NQO2: variants seen among roughly 807,000 people sequenced by gnomAD.
NQO2 encodes N-ribosyldihydronicotinamide:quinone dehydrogenase 2.
In NQO2, 18 loss-of-function variants were observed where a neutral mutation model predicts 22.0. The observed-to-expected ratio is 0.82, with a 90% CI of 0.56 to 1.21. NQO2 has a LOEUF of 1.21. Among genes scored for constraint, NQO2 ranks in the 50% most tolerant of loss-of-function variants. NQO2 has a pLI of 0.00. For missense variants in NQO2, 267 were observed against 286.9 expected, an observed-to-expected ratio of 0.93 and a Z score of 0.50; for synonymous variants, 106 against 110.8, an observed-to-expected ratio of 0.96 and a Z score of 0.28.
chr6:3,005,595 G>A (rs1213221179), intron 1 of NQO2: 19 of 968,310 alleles, frequency 2.0e-5, no homozygotes, highest in Non-Finnish European at 2.3e-5. Flanking sequence ...TGTTTGCTTT[G>A]TTGTTGTTAA....
intron 3 of NQO2, among the ~76,000 whole-genome samples, chr6:3,010,414 C>T (rs538872961): frequency 2.6e-4 from 39 of 151,688 alleles, no homozygotes; most frequent in Non-Finnish European, 2.9e-4. Context: ...TCCAAGCAGA[C>T]GGTAAGAGAT....
Position 3,019,710 on chromosome 6 carries a change from C to A in NQO2, c.*55C>A. ...GCACACTAGGAGGCCCAGGCGCAGGCAAAGAGAAGATGGTGCTGTCATGAA... is the reference window on the plus strand; with the variant it reads ...GCACACTAGGAGGCCCAGGCGCAGGAAAAGAGAAGATGGTGCTGTCATGAA... On this transcript the variant is annotated 3_prime_UTR_variant, in exon 7 of 7. Transcript: ENST00000380455. The A allele has an allele frequency of 7.0e-7, 1 of 1,424,964 alleles. No individual in the cohort carries two copies. The highest frequency in any genetic ancestry group is 9.4e-7 in the Non-Finnish European group (1 of 1,058,854). The allele number at this position is 1,424,964 out of a possible 1,614,324, so 88.3% of individuals were successfully genotyped here. A position where few individuals can be genotyped will look rare whatever the true frequency, so the allele number is the denominator to read the frequency against.
At chr6:3,009,762 GAGA>G in intron 2 of NQO2, 1 of 202,784 alleles carries the variant, frequency 4.9e-6, no homozygotes, top group Admixed American at 6.5e-5. Flanking sequence ...AGCTAGTCAG[GAGA>G]CTGAGGCATG....
chr6:3,007,089 A>G (rs1452968479), intron 2 of NQO2, among the ~76,000 whole-genome samples: 1 of 152,184 alleles, frequency 6.6e-6, no homozygotes, highest in African/African-American at 2.4e-5. Context: ...TACTCTATAC[A>G]TTATGGTGTA....
At chr6:3,009,960 G>A (rs55968115) in intron 2 of NQO2, 65 bp from the exon 3 acceptor site, 2 of 1,531,386 alleles carry the variant, frequency 1.3e-6, no homozygotes, top group East Asian at 2.3e-5. Flanking sequence ...TTTCATCTTA[G>A]TCTTCATTGA....
At chr6:3,000,607 T>C (rs972514876) in intron 1 of NQO2, among the ~76,000 whole-genome samples, 8 of 151,856 alleles carry the variant, frequency 5.3e-5, no homozygotes, top group African/African-American at 1.5e-4. Context: ...AGTGGCACGA[T>C]TTCGGCTCAC....
At chr6:3,005,705 G>T (rs989563055) in intron 1 of NQO2, 32 of 985,362 alleles carry the variant, frequency 3.2e-5, no homozygotes, top group Non-Finnish European at 3.9e-5. Context: ...TGGCCAGGAG[G>T]GGGTGAGGCC....
intron 4 of NQO2, chr6:3,015,300 A>T: frequency 6.9e-7 from 1 of 1,458,546 alleles, no homozygotes; most frequent in Non-Finnish European, 9.1e-7. Flanking sequence ...GGCTGTCATC[A>T]CTGGGGGATG....
chr6:3,007,255 AC>A (rs1235577561), intron 2 of NQO2, among the ~76,000 whole-genome samples: 1 of 152,136 alleles, frequency 6.6e-6, no homozygotes, highest in African/African-American at 2.4e-5. Context: ...GCTGTGACAA[AC>A]CAAAATGTCT....
intron 1 of NQO2, among the ~76,000 whole-genome samples, chr6:3,004,846 A>C (rs1756886011): frequency 6.6e-6 from 1 of 152,098 alleles, no homozygotes; most frequent in African/African-American, 2.4e-5. Context: ...CATAAAATTG[A>C]CCATTTTAAC....
At chr6:3,015,772 A>G in intron 5 of NQO2, 129 bp downstream of exon 5, 1 of 843,648 alleles carries the variant, frequency 1.2e-6, no homozygotes, top group Non-Finnish European at 1.8e-6. Context: ...CCCACTATGT[A>G]CAAAGCACCA....
intron 5 of NQO2, chr6:3,016,672 T>C (rs1757337878): frequency 6.0e-6 from 5 of 839,626 alleles, no homozygotes; most frequent in Non-Finnish European, 7.2e-6. Context: ...TTAGAGCTTC[T>C]GTGTCTGCTT....
At chr6:3,015,124 G>T (rs979810235) in intron 4 of NQO2, 2 of 1,296,426 alleles carry the variant, frequency 1.5e-6, no homozygotes, top group East Asian at 5.4e-5. Flanking sequence ...GCTCAGCACC[G>T]AACTCAGTCT....
chr6:3,014,062 C>T (rs1241758725), intron 4 of NQO2, among the ~76,000 whole-genome samples: 4 of 152,288 alleles, frequency 2.6e-5, no homozygotes, highest in Middle Eastern at 3.4e-3. Flanking sequence ...GGCAGGAGAA[C>T]GAGAGCACTG....
intron 2 of NQO2, among the ~76,000 whole-genome samples, chr6:3,007,462 T>C (rs1756991020): frequency 6.6e-6 from 1 of 152,250 alleles, no homozygotes; most frequent in Non-Finnish European, 1.5e-5. Context: ...TGTAGCCAGC[T>C]CAATGCCCTG....
At chr6:3,002,737 A>G (rs1474289624) in intron 1 of NQO2, among the ~76,000 whole-genome samples, 1 of 146,836 alleles carries the variant, frequency 6.8e-6, no homozygotes, top group African/African-American at 2.5e-5. Context: ...TGCATCTACC[A>G]CCATCCACTC....
intron 3 of NQO2, among the ~76,000 whole-genome samples, chr6:3,010,953 A>G (rs540350182): frequency 0.029 from 598 of 20,574 alleles, 8 homozygotes; most frequent in African/African-American, 0.086. Context: ...TTAGTAGAGG[A>G]AAAAAAAAAA....
In NQO2 at chr6:3,004,390, C is replaced by T. The variant is rs181806507; in HGVS notation, c.-85-2078C>T. On this transcript the variant is annotated intron_variant, in intron 1 of 6. Coordinates refer to ENST00000380455, the MANE Select transcript of NQO2 (RefSeq NM_000904.6). ...GGGTGTTTGGAGTGATCAGAGCTGT[C>T]TGCCCTCTTGGGGAGTGACAGTGCC... 7.1e-5 allele frequency: 70 copies of T among 983,654 alleles called. No homozygotes were observed. In the African/African-American group the frequency reaches 9.7e-4, roughly 14 times the overall value. 60.9% of individuals were successfully genotyped at this position (983,654 alleles called of 1,614,324 possible).
rs1030367071 is a variant in NQO2 at position 3,017,126 on chromosome 6, G to A, written c.519+141G>A. On this transcript the variant is annotated intron_variant, in intron 6 of 6. Transcript: ENST00000380455. ...GGGTGAGATGAGATGGGATGGAAGC[G>A]TGATGCCCCACACCATTTTGACTCC... The A allele has an allele frequency of 8.9e-5, 86 of 962,284 alleles. No homozygotes were observed. In the African/African-American group the frequency reaches 1.3e-3, roughly 14 times the overall value. The allele number at this position is 962,284 out of a possible 1,614,324, so 59.6% of individuals were successfully genotyped here. A position where few individuals can be genotyped will look rare whatever the true frequency, so the allele number is the denominator to read the frequency against.
Sources: allele counts gnomAD v4.1 joint callset (sites outside exome capture counted in the v4.1 genomes callset), GRCh38; gene constraint gnomAD v4.1.1; transcripts MANE v1.5; gene names NCBI Gene and HGNC (gene_info 2026-07-23, HGNC 2026-07-21).